GRID2: variants seen among roughly 807,000 people sequenced by gnomAD.
GRID2 encodes the protein glutamate ionotropic receptor delta type subunit 2.
A neutral mutation model predicts 114.8 loss-of-function variants in GRID2; 33 were observed. The observed-to-expected ratio is 0.29, with a 90% confidence interval of 0.22 to 0.38. GRID2 has a LOEUF of 0.38. GRID2 is among the 10% of genes least tolerant of loss of function. The pLI, the probability that GRID2 is intolerant of heterozygous loss-of-function variation, is 1.00. For synonymous variants in GRID2, 505 were observed against 449.9 expected, an observed-to-expected ratio of 1.12 and a Z score of -1.55; for missense variants, 1,184 against 1,257.7, an observed-to-expected ratio of 0.94 and a Z score of 0.89.
intron 2 of GRID2, among the ~76,000 whole-genome samples, chr4:92,737,377 G>T (rs1294839088): frequency 6.6e-6 from 1 of 152,010 alleles, no homozygotes; most frequent in Non-Finnish European, 1.5e-5. Context: ...AGAAGAGTCT[G>T]CCCATTTCAA....
At chr4:92,897,463 C>A (rs916997130) in intron 2 of GRID2, among the ~76,000 whole-genome samples, 8 of 152,090 alleles carry the variant, frequency 5.3e-5, no homozygotes, top group African/African-American at 1.9e-4. Flanking sequence ...AATGGGAGTT[C>A]ATTTTTAAGT....
intron 1 of GRID2, among the ~76,000 whole-genome samples, chr4:93,796,973 T>C (rs1320418913): frequency 2.6e-5 from 4 of 152,216 alleles, no homozygotes; most frequent in South Asian, 2.1e-4. Context: ...GTAAACATCA[T>C]AGGGTGTACT....
chr4:92,591,757 G>T (rs919793643), intron 2 of GRID2, among the ~76,000 whole-genome samples: 1 of 152,032 alleles, frequency 6.6e-6, no homozygotes, highest in African/African-American at 2.4e-5. Context: ...TGGTCTAAAA[G>T]TTTTTTCCTT....
chr4:93,704,154 C>A (rs1414015340), intron 14 of GRID2, among the ~76,000 whole-genome samples: 2 of 152,120 alleles, frequency 1.3e-5, no homozygotes, highest in Non-Finnish European at 2.9e-5. Context: ...CTCTCCAGCA[C>A]CTGTTGTTTC....
rs569375900 is a variant in GRID2 at position 92,713,895 on chromosome 4, A to T, written c.244+123609A>T. ...TTCAAGATGAGATTTGGGTGGGGAC[A>T]CAGCCAAACCATATCATTCTACCCC... On this transcript the variant is annotated intron_variant, in intron 2 of 15. Transcript: ENST00000282020. Among the ~76,000 whole-genome samples the T allele has an allele frequency of 2.3e-4, 35 of 152,170 alleles. 1 individual carries two copies. Among genetic ancestry groups the T allele is most frequent in the Non-Finnish European group, 4.3e-4 (29 of 68,000 alleles).
chr4:93,248,542 GCT>G (rs1748460212), intron 8 of GRID2, among the ~76,000 whole-genome samples: 1 of 151,946 alleles, frequency 6.6e-6, no homozygotes, highest in Admixed American at 6.6e-5. Flanking sequence ...TGCTTTCTCT[GCT>G]CTCTAAATTT....
chr4:93,293,813 G>GCAA (rs1242729830), intron 8 of GRID2, among the ~76,000 whole-genome samples: 17 of 152,260 alleles, frequency 1.1e-4, no homozygotes, highest in African/African-American at 4.1e-4. Flanking sequence ...ATTCATTCAT[G>GCAA]TACTATTTAT....
chr4:93,388,033 G>A (rs548849095), intron 8 of GRID2, among the ~76,000 whole-genome samples: 44 of 152,038 alleles, frequency 2.9e-4, no homozygotes, highest in African/African-American at 9.7e-4. Flanking sequence ...GATAATTGCT[G>A]CAATAAATAT....
In GRID2 at chr4:93,690,470, G is replaced by A. The variant is rs545449295; in HGVS notation, c.2360+64035G>A. On this transcript the variant is annotated intron_variant, in intron 14 of 15. Coordinates refer to ENST00000282020, the MANE Select transcript of GRID2 (RefSeq NM_001510.4). The stretch of plus-strand genomic sequence containing the variant: ...TTCCTAAATTTCAAATTATGGTCTT[G>A]GTATAAATTCCCAGAAATGTATTAT... Among the ~76,000 whole-genome samples, 10 of 151,970 alleles carry A rather than the reference G, an allele frequency of 6.6e-5. 1 individual carries two copies. In the South Asian group the frequency reaches 2.1e-3, roughly 32 times the overall value.
At chr4:92,507,456 G>A (rs972612094) in intron 1 of GRID2, among the ~76,000 whole-genome samples, 1 of 150,196 alleles carries the variant, frequency 6.7e-6, no homozygotes, top group African/African-American at 2.5e-5. Flanking sequence ...TGTATGAAGG[G>A]CATCACTGTT....
At chr4:92,305,806 A>G (rs1725372206) in intron 1 of GRID2, among the ~76,000 whole-genome samples, 2 of 152,202 alleles carry the variant, frequency 1.3e-5, no homozygotes, top group African/African-American at 4.8e-5. Context: ...AGGCTCTTGC[A>G]GCCTTTTCTG....
chr4:93,609,323 C>A (rs1232197722), intron 13 of GRID2, among the ~76,000 whole-genome samples: 1 of 83,054 alleles, frequency 1.2e-5, no homozygotes, highest in Admixed American at 1.1e-4. Context: ...TTAATTAGAT[C>A]CCATTTGTCA....
chr4:92,538,374 T>C (rs1216895052), intron 1 of GRID2, among the ~76,000 whole-genome samples: 1 of 152,212 alleles, frequency 6.6e-6, no homozygotes, highest in Non-Finnish European at 1.5e-5. Context: ...ACAGGGATGC[T>C]TCTTTTTCAT....
At chr4:92,380,190 G>A (rs1181557764) in intron 1 of GRID2, among the ~76,000 whole-genome samples, 1 of 151,414 alleles carries the variant, frequency 6.6e-6, no homozygotes, top group Non-Finnish European at 1.5e-5. Context: ...TTTTAGATAT[G>A]GTAGGTCCTT....
intron 1 of GRID2, among the ~76,000 whole-genome samples, chr4:92,578,620 C>A (rs1481461201): frequency 6.6e-6 from 1 of 152,016 alleles, no homozygotes; most frequent in African/African-American, 2.4e-5. Flanking sequence ...GTGACTCACA[C>A]CTGTCATCCC....
intron 1 of GRID2, among the ~76,000 whole-genome samples, chr4:92,400,110 T>C (rs1050672941): frequency 2.2e-4 from 34 of 152,304 alleles, no homozygotes; most frequent in Admixed American, 2.0e-3. Context: ...AAGGTATAAT[T>C]CAAATACCAT....
chr4:93,097,509 G>A (rs1463197966), intron 3 of GRID2, among the ~76,000 whole-genome samples: 1 of 151,858 alleles, frequency 6.6e-6, no homozygotes, highest in Non-Finnish European at 1.5e-5. Flanking sequence ...CTCTAGAAGA[G>A]CTTTTTAGTA....
At chr4:92,659,730 T>A (rs1732428564) in intron 2 of GRID2, among the ~76,000 whole-genome samples, 1 of 151,356 alleles carries the variant, frequency 6.6e-6, no homozygotes, top group South Asian at 2.1e-4. Flanking sequence ...AAAGAATAAA[T>A]CCATTCCTGT....
chr4:93,252,972 G>A (rs745895756), intron 8 of GRID2, among the ~76,000 whole-genome samples: 36 of 152,104 alleles, frequency 2.4e-4, no homozygotes, highest in African/African-American at 6.3e-4. Flanking sequence ...AACTCAGGCC[G>A]GACGAAGTGG....
Sources: gnomAD v4.1 joint callset for allele counts (sites outside exome capture counted in the v4.1 genomes callset) on GRCh38, gnomAD v4.1.1 for gene constraint, MANE v1.5 for transcripts, NCBI Gene and HGNC (gene_info 2026-07-23, HGNC 2026-07-21) for gene names.